NSUN7: variants seen among roughly 807,000 people sequenced by gnomAD.
NSUN7 encodes the protein NOP2/Sun RNA methyltransferase family member 7, also known as protein NSUN7.
In NSUN7, 39 loss-of-function variants were observed where a neutral mutation model predicts 58.5. That is an observed-to-expected ratio of 0.67 (90% confidence interval 0.52 to 0.87). The LOEUF is 0.87. Among genes scored for constraint, NSUN7 ranks in the 40% least tolerant of loss-of-function variants. The probability of loss-of-function intolerance (pLI) is 0.00; values close to 1 mark genes in which losing one functional copy is unlikely to be tolerated. For missense variants in NSUN7, 765 were observed against 844.1 expected (o/e 0.91, Z 1.16); for synonymous variants, 278 against 303.7 (o/e 0.92, Z 0.88).
rs914341040 is a variant in NSUN7, at chr4:40,764,600, C to T, written c.488+3299C>T. ...AGTCCTTTGGGTATATACCCAGTAA[C>T]GGGATAGCTGGGTCAAATGGTATTT... On this transcript the variant is annotated intron_variant, in intron 4 of 11. Coordinates refer to ENST00000381782, the MANE Select transcript of NSUN7 (RefSeq NM_024677.6). Among the ~76,000 whole-genome samples, 602 of 152,116 alleles carry T rather than the reference C, an allele frequency of 4.0e-3. 6 individuals carry two copies. Among genetic ancestry groups the T allele is most frequent in the African/African-American group, 0.013 (547 of 41,518 alleles).
chr4:40,794,331 T>A, intron 8 of NSUN7, 44 bp from the exon 9 acceptor site: 1 of 1,143,940 alleles, frequency 8.7e-7, no homozygotes, highest in South Asian at 1.4e-5. Context: ...TGTAAAAAGT[T>A]TTTAATGGTG....
intron 2 of NSUN7, among the ~76,000 whole-genome samples, chr4:40,759,038 G>A (rs1034978714): frequency 6.6e-6 from 1 of 152,138 alleles, no homozygotes; most frequent in Non-Finnish European, 1.5e-5. Flanking sequence ...CGCCGGGCAC[G>A]GTGGCTCACG....
intron 10 of NSUN7, among the ~76,000 whole-genome samples, chr4:40,799,674 G>T (rs1337634425): frequency 6.6e-6 from 1 of 152,060 alleles, no homozygotes; most frequent in Non-Finnish European, 1.5e-5. Context: ...ATATATTGAA[G>T]ATGTTTATAA....
At position 40,807,113 on chromosome 4, in the gene NSUN7, A is replaced by C. The variant is rs1743837307; in HGVS notation, c.1453A>C (p.Thr485Pro). 6.4e-7 allele frequency: 1 copy of C among 1,551,252 alleles called. No individual in the cohort carries two copies. The highest frequency in any genetic ancestry group is 1.4e-5 in the African/African-American group (1 of 73,024). Residue 485 changes from threonine to proline, a missense_variant, in exon 11 of 12, where the codon ACT (threonine) becomes CCT (proline). By Grantham distance (38) the Thr-to-Pro change is conservative. Coordinates refer to ENST00000381782, the MANE Select transcript of NSUN7 (RefSeq NM_024677.6). ...CTCCTTAAAGGAAATTCAATTGTCT[A>C]CTGATAAATTTTTCAGAATGGAACC... is the stretch of plus-strand genomic sequence containing the variant. Reference protein sequence around the residue: ...LCSLKEIQLSTDKFFRMEPSE... With the variant: ...LCSLKEIQLSPDKFFRMEPSE...
At chr4:40,765,398 T>C (rs367546112) in intron 4 of NSUN7, among the ~76,000 whole-genome samples, 7 of 146,272 alleles carry the variant, frequency 4.8e-5, no homozygotes, top group East Asian at 2.0e-4. Context: ...TGTAGATATG[T>C]GGCGTTATTT....
intron 10 of NSUN7, among the ~76,000 whole-genome samples, chr4:40,800,705 T>A (rs893399615): frequency 2.6e-5 from 4 of 152,238 alleles, no homozygotes; most frequent in Non-Finnish European, 2.9e-5. Context: ...AACATTTTCA[T>A]CGTAAGTTTA....
chr4:40,810,968 A>G lies in NSUN7; in HGVS notation c.*2029A>G, dbSNP rs996809610. On this transcript the variant is annotated 3_prime_UTR_variant, in exon 12 of 12. Transcript: ENST00000381782. ...GAAAAGTATTCCATTGTCCAGAAGT[A>G]GCTGGTCTTGAGATTTTTATTTTCA... 6.6e-5 allele frequency: 10 copies of G among 152,146 alleles called. No homozygotes were observed. Among genetic ancestry groups the G allele is most frequent in the African/African-American group, 2.4e-4 (10 of 41,430 alleles). 9.4% of individuals were successfully genotyped at this position (152,146 alleles called of 1,614,324 possible).
In NSUN7 at chr4:40,809,515, G is replaced by A. The variant is rs1744066698; in HGVS notation, c.*576G>A. On this transcript the variant is annotated 3_prime_UTR_variant, in exon 12 of 12. Transcript: ENST00000381782. ...CAGGAAGTTCCCAAGTGCCAGGTGT[G>A]TGTAGCTCAGAGTTCCTTTTACAGT... 6.6e-6 allele frequency: 1 copy of A among 152,190 alleles called. No homozygotes were observed. Among genetic ancestry groups the A allele is most frequent in the Admixed American group, 6.6e-5 (1 of 15,264 alleles). 9.4% of individuals were successfully genotyped at this position (152,190 alleles called of 1,614,324 possible). A position where few individuals can be genotyped will look rare whatever the true frequency, so the allele number is the denominator to read the frequency against.
chr4:40,784,845 A>T (rs1742733218), intron 7 of NSUN7, among the ~76,000 whole-genome samples: 1 of 152,358 alleles, frequency 6.6e-6, no homozygotes, highest in East Asian at 1.9e-4. Flanking sequence ...ACCTCTCTCA[A>T]ATTGAAAACA....
At chr4:40,774,699 G>A (rs1423833624) in intron 5 of NSUN7, 68 bp from the exon 6 acceptor site, 2 of 959,556 alleles carry the variant, frequency 2.1e-6, no homozygotes, top group Non-Finnish European at 3.1e-6. Context: ...CAGGAAAAAG[G>A]TGTTAGTGTT....
At chr4:40,792,396 T>C (rs1167706248) in intron 8 of NSUN7, among the ~76,000 whole-genome samples, 5 of 152,136 alleles carry the variant, frequency 3.3e-5, no homozygotes, top group African/African-American at 1.2e-4. Context: ...AGGAAAACAT[T>C]TCCTAGGTAC....
At chr4:40,760,039 AAAAC>A (rs1741374072) in intron 2 of NSUN7, among the ~76,000 whole-genome samples, 1 of 152,232 alleles carries the variant, frequency 6.6e-6, no homozygotes, top group African/African-American at 2.4e-5. Flanking sequence ...CTCTGTCTCA[AAAAC>A]AAACAAAACC....
At chr4:40,802,742 G>A (rs1401876407) in intron 10 of NSUN7, among the ~76,000 whole-genome samples, 1 of 148,808 alleles carries the variant, frequency 6.7e-6, no homozygotes, top group African/African-American at 2.5e-5. Context: ...GCATGAAAAA[G>A]TAAGTACCTT....
intron 2 of NSUN7, among the ~76,000 whole-genome samples, chr4:40,755,683 C>T (rs1308198883): frequency 6.6e-6 from 1 of 152,114 alleles, no homozygotes; most frequent in African/African-American, 2.4e-5. Context: ...GTCAGGGGTT[C>T]CTAAGACCAC....
Position 40,750,948 on chromosome 4 carries a change from C to T in NSUN7, c.255C>T (p.Ser85=). The T allele has an allele frequency of 6.2e-7, 1 of 1,614,206 alleles. No individual in the cohort carries two copies. Among genetic ancestry groups the T allele is most frequent in the Non-Finnish European group, 8.5e-7 (1 of 1,180,038 alleles). ...CCTTGTCCGAGTCTGAGGATCAGTCCTTTCAGCGTTTGTCTTATGAGCTGG... is the reference window on the plus strand; with the variant it reads ...CCTTGTCCGAGTCTGAGGATCAGTCTTTTCAGCGTTTGTCTTATGAGCTGG... ...LRSLSESEDQ[S]FQRLSYELAF... Residue 85 remains serine (S), a synonymous_variant, in exon 2 of 12, where the codon TCC becomes TCT. Coordinates refer to ENST00000381782, the MANE Select transcript of NSUN7 (RefSeq NM_024677.6).
intron 7 of NSUN7, 103 bp from the exon 8 acceptor site, chr4:40,790,499 G>T (rs755853697): frequency 1.5e-4 from 102 of 693,206 alleles, no homozygotes; most frequent in Non-Finnish European, 2.2e-4. Context: ...GAATTTTTGT[G>T]AGGTTGAGGA....
chr4:40,750,368 C>G (rs1302064236), intron 1 of NSUN7, 68 bp downstream of exon 1: 3 of 241,354 alleles, frequency 1.2e-5, no homozygotes, highest in African/African-American at 4.5e-5. Context: ...GGGGGCAGCT[C>G]TGCCCCCAGA....
At chr4:40,792,248 C>G (rs1743102529) in intron 8 of NSUN7, among the ~76,000 whole-genome samples, 1 of 151,958 alleles carries the variant, frequency 6.6e-6, no homozygotes, top group South Asian at 2.1e-4. Flanking sequence ...AACTAGAGCT[C>G]AGAACTGTGA....
intron 9 of NSUN7, among the ~76,000 whole-genome samples, chr4:40,797,373 C>G (rs745883873): frequency 6.6e-6 from 1 of 152,174 alleles, no homozygotes; most frequent in South Asian, 2.1e-4. Flanking sequence ...TTTCCAGCTG[C>G]CTTCTTGACA....
Sources: allele counts gnomAD v4.1 joint callset (sites outside exome capture counted in the v4.1 genomes callset), GRCh38; gene constraint gnomAD v4.1.1; transcripts MANE v1.5; gene names NCBI Gene and HGNC (gene_info 2026-07-23, HGNC 2026-07-21).